SNAP25: variants seen among roughly 807,000 people sequenced by gnomAD.
The protein encoded by SNAP25 is synaptosomal-associated protein 25.
SNAP25 carries 3 observed loss-of-function variants against 28.7 expected under a neutral mutation model. That is an observed-to-expected ratio of 0.10 (90% CI 0.05 to 0.27). The LOEUF (loss-of-function observed/expected upper bound fraction) is 0.27. Ranked by LOEUF, SNAP25 falls within the 10% of genes least tolerant of loss-of-function variation. The pLI, the probability that SNAP25 is intolerant of heterozygous loss-of-function variation, is 1.00. For missense variants in SNAP25, 117 were observed against 278.7 expected (o/e 0.42, Z 4.13); for synonymous variants, 61 against 88.1 (o/e 0.69, Z 1.72).
intron 1 of SNAP25, among the ~76,000 whole-genome samples, chr20:10,227,297 T>A (rs2062749849): frequency 6.6e-6 from 1 of 152,116 alleles, no homozygotes; most frequent in African/African-American, 2.4e-5. Flanking sequence ...ACTTTGGAAG[T>A]CTTTGAGAGC....
intron 1 of SNAP25, among the ~76,000 whole-genome samples, chr20:10,243,112 T>C (rs1202621447): frequency 6.6e-6 from 1 of 152,190 alleles, no homozygotes; most frequent in African/African-American, 2.4e-5. Flanking sequence ...AGATCAGTGG[T>C]TTCCAGACCT....
intron 7 of SNAP25, among the ~76,000 whole-genome samples, chr20:10,301,963 G>A (rs1005225293): frequency 1.3e-5 from 2 of 148,888 alleles, no homozygotes; most frequent in African/African-American, 4.9e-5. Context: ...TACCTTCTAA[G>A]GTTAAAAACA....
In SNAP25 at chr20:10,306,177, A is replaced by G; in HGVS notation, c.601A>G (p.Lys201Glu). The G allele has an allele frequency of 6.2e-7, 1 of 1,613,664 alleles. No individual in the cohort carries two copies. ...TGATGAGGCCAACCAACGTGCAACAAAGATGCTGGGAAGTGGTTAAGTGTG... is the reference window on the plus strand; with the variant it reads ...TGATGAGGCCAACCAACGTGCAACAGAGATGCTGGGAAGTGGTTAAGTGTG... ...RIDEANQRAT[K>E]MLGSG The change falls in exon 8 of 8, where the codon AAG becomes GAG. Residue 201 changes from lysine to glutamate, a missense_variant. Lys to Glu is a moderately conservative substitution (Grantham distance 56). Around this residue, in one of 3 missense-constraint regions of SNAP25, gnomAD observed 88 missense variants for 206.9 expected, o/e 0.43. Transcript: ENST00000254976.
At chr20:10,239,514 T>C (rs1026433876) in intron 1 of SNAP25, among the ~76,000 whole-genome samples, 1 of 152,360 alleles carries the variant, frequency 6.6e-6, no homozygotes, top group East Asian at 1.9e-4. Context: ...ATTTGGTGGC[T>C]GCAGGCAGGT....
At chr20:10,305,349 C>A (rs944373903) in intron 7 of SNAP25, among the ~76,000 whole-genome samples, 1 of 152,060 alleles carries the variant, frequency 6.6e-6, no homozygotes, top group South Asian at 2.1e-4. Flanking sequence ...TGAGACCAGC[C>A]TGGGCAACAT....
At chr20:10,235,694 T>G (rs2062906142) in intron 1 of SNAP25, among the ~76,000 whole-genome samples, 1 of 152,202 alleles carries the variant, frequency 6.6e-6, no homozygotes, top group African/African-American at 2.4e-5. Context: ...AATGAGTTAG[T>G]TCTTCAGTCA....
At chr20:10,259,014 G>C (rs191163590) in intron 1 of SNAP25, among the ~76,000 whole-genome samples, 95 of 152,296 alleles carry the variant, frequency 6.2e-4, no homozygotes, top group East Asian at 4.6e-3. Flanking sequence ...CTGCTTAGTA[G>C]GTTGGCGTAT....
chr20:10,233,290 T>G (rs1049879813), intron 1 of SNAP25, among the ~76,000 whole-genome samples: 1 of 151,938 alleles, frequency 6.6e-6, no homozygotes, highest in Non-Finnish European at 1.5e-5. Context: ...AACTGGGTGG[T>G]GAATTCCCAT....
At chr20:10,267,852 T>G (rs2063531063) in intron 1 of SNAP25, among the ~76,000 whole-genome samples, 1 of 152,184 alleles carries the variant, frequency 6.6e-6, no homozygotes, top group Non-Finnish European at 1.5e-5. Flanking sequence ...GCCCGGCCAA[T>G]AGTCTCCAGT....
chr20:10,229,761 A>C (rs550537805), intron 1 of SNAP25, among the ~76,000 whole-genome samples: 19 of 152,284 alleles, frequency 1.2e-4, no homozygotes, highest in African/African-American at 3.6e-4. Context: ...ACTAAGAGAC[A>C]ATACTGTTTA....
At chr20:10,297,166 G>T in intron 6 of SNAP25, 116 bp downstream of exon 6, 1 of 1,274,548 alleles carries the variant, frequency 7.8e-7, no homozygotes, top group East Asian at 2.9e-5. Context: ...CTACATACCT[G>T]CTAAGTGTTC....
chr20:10,297,641 G>A (rs1324544665), intron 6 of SNAP25, among the ~76,000 whole-genome samples: 2 of 152,208 alleles, frequency 1.3e-5, no homozygotes, highest in South Asian at 2.1e-4. Context: ...CAATAGTTAC[G>A]ACTGTGGGCA....
intron 5 of SNAP25, among the ~76,000 whole-genome samples, chr20:10,295,519 G>A (rs763753056): frequency 6.6e-6 from 1 of 152,142 alleles, no homozygotes; most frequent in African/African-American, 2.4e-5. Context: ...TAAGGCCTGC[G>A]GCATTATAGA....
intron 1 of SNAP25, among the ~76,000 whole-genome samples, chr20:10,250,098 GA>G (rs1315408424): frequency 5.3e-5 from 8 of 151,766 alleles, no homozygotes; most frequent in South Asian, 2.1e-4. Context: ...CCTTCTTAAA[GA>G]AAAAAAACTG....
chr20:10,304,392 CAAAATTT>C (rs2064307496), intron 7 of SNAP25, among the ~76,000 whole-genome samples: 1 of 152,100 alleles, frequency 6.6e-6, no homozygotes. Flanking sequence ...TTGACTCCCC[CAAAATTT>C]AACTACTAGT....
chr20:10,271,873 G>A (rs1351834936), intron 1 of SNAP25, among the ~76,000 whole-genome samples: 4 of 152,210 alleles, frequency 2.6e-5, no homozygotes, highest in African/African-American at 9.7e-5. Flanking sequence ...CCTGTGAAAA[G>A]GAAAGGTCAA....
At chr20:10,231,735 T>C (rs2062832639) in intron 1 of SNAP25, 1 of 152,210 alleles carries the variant, frequency 6.6e-6, no homozygotes, top group African/African-American at 2.4e-5. Flanking sequence ...CTGAAACTTT[T>C]TGAGCACCAA....
In SNAP25 at chr20:10,275,458, C is replaced by A. The variant is rs11547872; in HGVS notation, c.-34C>A. 7,569 of 1,576,874 alleles carry A rather than the reference C, an allele frequency of 4.8e-3. 57 individuals are homozygous for A. The highest frequency in any genetic ancestry group is 0.018 in the South Asian group (1,519 of 85,948). ...AGAGCCAAACCCGTCACTGACCCCC[C>A]AGCCCAGGCGCCCAGCCACTCCCCA... On this transcript the variant is annotated 5_prime_UTR_variant, in exon 2 of 8. Transcript: ENST00000254976.
intron 1 of SNAP25, 77 bp from the exon 2 acceptor site, chr20:10,275,352 T>G: frequency 4.9e-6 from 3 of 606,736 alleles, no homozygotes; most frequent in Non-Finnish European, 2.7e-6. Flanking sequence ...GTATGGGCCA[T>G]TTAGATTTTC....
Sources: allele counts gnomAD v4.1 joint callset (sites outside exome capture counted in the v4.1 genomes callset), GRCh38; gene constraint gnomAD v4.1.1; regional missense constraint gnomAD v4.1.1; transcripts MANE v1.5; gene names NCBI Gene and HGNC (gene_info 2026-07-23, HGNC 2026-07-21).